Variants in EPHB1 observed in about 807,000 individuals in gnomAD.
EPHB1 encodes EPH receptor B1, also known as ephrin type-B receptor 1.
A neutral mutation model predicts 94.4 loss-of-function variants in EPHB1; 30 were observed. The observed-to-expected ratio is 0.32, with a 90% CI of 0.24 to 0.43. EPHB1 has a LOEUF of 0.43. Ranked by LOEUF, EPHB1 falls within the 20% of genes least tolerant of loss-of-function variation. The pLI, the probability that EPHB1 is intolerant of heterozygous loss-of-function variation, is 1.00. For missense variants in EPHB1, 1,055 were observed against 1,308.3 expected, an observed-to-expected ratio of 0.81 and a Z score of 2.99; for synonymous variants, 522 against 489.1, an observed-to-expected ratio of 1.07 and a Z score of -0.89.
intron 13 of EPHB1, among the ~76,000 whole-genome samples, chr3:135,242,650 A>G (rs1257852753): frequency 6.6e-6 from 1 of 152,168 alleles, no homozygotes; most frequent in East Asian, 1.9e-4. Context: ...TGGGATTAGC[A>G]ACACCTTGCC....
intron 4 of EPHB1, among the ~76,000 whole-genome samples, chr3:135,129,781 C>T (rs577118800): frequency 5.1e-4 from 78 of 152,188 alleles, no homozygotes; most frequent in Non-Finnish European, 1.0e-4. Flanking sequence ...GGGTGCTAGA[C>T]CTTGAAGAGT....
chr3:135,008,208 G>A (rs763435611), intron 3 of EPHB1, among the ~76,000 whole-genome samples: 11 of 152,314 alleles, frequency 7.2e-5, no homozygotes, highest in East Asian at 1.9e-4. Context: ...ATTCAGACAC[G>A]TAGATAGAAT....
At chr3:134,977,154 A>G (rs1358898491) in intron 3 of EPHB1, among the ~76,000 whole-genome samples, 1 of 152,126 alleles carries the variant, frequency 6.6e-6, no homozygotes, top group Non-Finnish European at 1.5e-5. Flanking sequence ...CACAATGTAC[A>G]CTAGAGGAGG....
chr3:135,051,984 A>G (rs56199193), intron 3 of EPHB1, among the ~76,000 whole-genome samples: 1,942 of 152,346 alleles, frequency 0.013, 48 homozygotes, highest in African/African-American at 0.045. Flanking sequence ...TGAACTATAT[A>G]AAAATCTACT....
At chr3:134,973,496 A>G (rs1216367456) in intron 3 of EPHB1, among the ~76,000 whole-genome samples, 3 of 131,904 alleles carry the variant, frequency 2.3e-5, no homozygotes, top group Non-Finnish European at 4.6e-5. Context: ...CAGTGGCATG[A>G]TCTTGGCTCA....
intron 6 of EPHB1, among the ~76,000 whole-genome samples, chr3:135,157,235 A>G (rs1251665770): frequency 6.6e-6 from 1 of 151,906 alleles, no homozygotes; most frequent in Non-Finnish European, 1.5e-5. Flanking sequence ...GAGACCATAT[A>G]CTCCTCCTCT....
At chr3:135,114,661 T>G (rs1559836535) in intron 4 of EPHB1, among the ~76,000 whole-genome samples, 1 of 150,286 alleles carries the variant, frequency 6.7e-6, no homozygotes, top group Non-Finnish European at 1.5e-5. Flanking sequence ...AGGCAGAGGT[T>G]GCAGTGAGCC....
chr3:134,970,333 A>G (rs1245159396), intron 3 of EPHB1, among the ~76,000 whole-genome samples: 2 of 152,176 alleles, frequency 1.3e-5, no homozygotes, highest in Non-Finnish European at 2.9e-5. Flanking sequence ...GTGATGTCCA[A>G]TTATTTCAAC....
At chr3:135,115,781 T>C (rs1576398419) in intron 4 of EPHB1, among the ~76,000 whole-genome samples, 1 of 152,202 alleles carries the variant, frequency 6.6e-6, no homozygotes, top group East Asian at 1.9e-4. Context: ...TTTATTATTG[T>C]GTCCATTGTG....
At chr3:134,873,947 A>C (rs907755590) in intron 1 of EPHB1, among the ~76,000 whole-genome samples, 2 of 152,160 alleles carry the variant, frequency 1.3e-5, no homozygotes, top group African/African-American at 4.8e-5. Flanking sequence ...GAGACTGAGA[A>C]AGGAGAATGG....
Position 135,221,079 on chromosome 3 carries a change from T to A in EPHB1, c.2346+19390T>A, listed in dbSNP as rs1390532842. On this transcript the variant is annotated intron_variant, in intron 12 of 15. Transcript: ENST00000398015. ...AACCAAAGAGCTAAGCAATTAAGTTTATGTGCTTCTAAATTGACATCCCCA... is the reference window on the plus strand; with the variant it reads ...AACCAAAGAGCTAAGCAATTAAGTTAATGTGCTTCTAAATTGACATCCCCA... Among the ~76,000 whole-genome samples, 8 of 152,230 alleles carry A rather than the reference T, an allele frequency of 5.3e-5. No homozygotes were observed. The East Asian group carries it at 1.5e-3, about 29-fold the overall frequency.
At chr3:135,222,029 T>G (rs1451872497) in intron 12 of EPHB1, among the ~76,000 whole-genome samples, 1 of 152,186 alleles carries the variant, frequency 6.6e-6, no homozygotes, top group Non-Finnish European at 1.5e-5. Context: ...AATATAAAAT[T>G]TCACCAATGT....
chr3:135,083,151 C>T (rs952062306), intron 3 of EPHB1, among the ~76,000 whole-genome samples: 3 of 152,078 alleles, frequency 2.0e-5, no homozygotes, highest in African/African-American at 4.8e-5. Flanking sequence ...GAAAAGTGAG[C>T]AGGGCCTGAT....
At chr3:135,044,383 A>G (rs1256807632) in intron 3 of EPHB1, among the ~76,000 whole-genome samples, 1 of 152,204 alleles carries the variant, frequency 6.6e-6, no homozygotes, top group Non-Finnish European at 1.5e-5. Context: ...CTGTGGGTAA[A>G]GGCCAGTATC....
chr3:135,068,862 A>T (rs1354427261), intron 3 of EPHB1, among the ~76,000 whole-genome samples: 1 of 151,240 alleles, frequency 6.6e-6, no homozygotes, highest in Non-Finnish European at 1.5e-5. Flanking sequence ...GTTAGCCAGG[A>T]TGGTCTCAAT....
chr3:135,253,693 C>G (rs1210372168), intron 15 of EPHB1, among the ~76,000 whole-genome samples: 3 of 143,998 alleles, frequency 2.1e-5, no homozygotes, highest in Non-Finnish European at 3.1e-5. Flanking sequence ...CTTGGCGATG[C>G]GGGCTCTTTT....
chr3:135,179,886 G>C lies in EPHB1; in HGVS notation c.1786G>C (p.Asp596His), dbSNP rs1942106892. Residue 596 changes from aspartate to histidine, a missense_variant, in exon 10 of 16, where the codon GAC (aspartate) becomes CAC (histidine). Asp to His is a moderately conservative substitution (Grantham distance 81). Transcript: ENST00000398015. ...CTCCCCAGGGATGAAGATCTACATT[G>C]ACCCCTTCACTTACGAGGATCCCAA... ...RGSPGMKIYI[D>H]PFTYEDPNEA... 11 of 1,613,898 alleles carry C rather than the reference G, an allele frequency of 6.8e-6. No homozygotes were observed. Among genetic ancestry groups the C allele is most frequent in the Non-Finnish European group, 8.5e-6 (10 of 1,179,828 alleles).
At chr3:135,156,531 G>A (rs2107696099) in intron 6 of EPHB1, among the ~76,000 whole-genome samples, 1 of 152,290 alleles carries the variant, frequency 6.6e-6, no homozygotes, top group East Asian at 1.9e-4. Context: ...TTTATAGAAT[G>A]GTAGCAGTTT....
At chr3:134,966,451 C>T (rs1168830770) in intron 3 of EPHB1, among the ~76,000 whole-genome samples, 1 of 152,230 alleles carries the variant, frequency 6.6e-6, no homozygotes, top group Non-Finnish European at 1.5e-5. Context: ...CTTGTGAACT[C>T]CCTCTGCAAG....
Sources: gnomAD v4.1 joint callset for allele counts (sites outside exome capture counted in the v4.1 genomes callset) on GRCh38, gnomAD v4.1.1 for gene constraint, MANE v1.5 for transcripts, NCBI Gene and HGNC (gene_info 2026-07-23, HGNC 2026-07-21) for gene names.